Variants in PLEKHG1 observed in about 807,000 individuals in gnomAD.
The protein encoded by PLEKHG1 is pleckstrin homology domain-containing family G member 1.
PLEKHG1 carries 44 observed loss-of-function variants against 100.8 expected under a neutral mutation model. The ratio of observed to expected loss-of-function variants is 0.44; its 90% confidence interval spans 0.34 to 0.56. The LOEUF is 0.56. Ranked by LOEUF, PLEKHG1 falls within the 20% of genes least tolerant of loss-of-function variation. PLEKHG1 has a pLI of 0.01. For synonymous variants in PLEKHG1, 640 were observed against 662.5 expected (o/e 0.97, Z 0.52); for missense variants, 1,545 against 1,720.9 (o/e 0.90, Z 1.81).
chr6:150,613,431 C>T (rs1358471349), intron 1 of PLEKHG1, among the ~76,000 whole-genome samples: 1 of 152,162 alleles, frequency 6.6e-6, no homozygotes, highest in Admixed American at 6.5e-5. Flanking sequence ...TAAAAGAGTG[C>T]CCAGTGCAGA....
In PLEKHG1 at chr6:150,795,839, C is replaced by A. The variant is rs1428752821; in HGVS notation, c.583-17C>A. 6.4e-7 allele frequency: 1 copy of A among 1,553,814 alleles called. No homozygotes were observed. The highest frequency in any genetic ancestry group is 8.9e-7 in the Non-Finnish European group (1 of 1,127,572). On this transcript the variant is annotated splice_polypyrimidine_tract_variant and intron_variant, in intron 4 of 15. Transcript: ENST00000358517. ...TGTGCTTTGTTGCCTATAAAAATTT[C>A]TTTTGTTTCCTTGCAGAGTGAAGAG...
At chr6:150,659,905 T>G (rs1002786170) in intron 3 of PLEKHG1, among the ~76,000 whole-genome samples, 4 of 152,174 alleles carry the variant, frequency 2.6e-5, no homozygotes, top group Non-Finnish European at 4.4e-5. Flanking sequence ...TGGCACACAG[T>G]CTGGTGCCTT....
intron 2 of PLEKHG1, among the ~76,000 whole-genome samples, chr6:150,761,993 A>G (rs1269187435): frequency 6.6e-6 from 1 of 152,156 alleles, no homozygotes; most frequent in Non-Finnish European, 1.5e-5. Flanking sequence ...CAGCTTAACA[A>G]GAAGGCCATT....
intron 2 of PLEKHG1, among the ~76,000 whole-genome samples, chr6:150,752,535 T>C (rs1355228180): frequency 6.6e-6 from 1 of 152,188 alleles, no homozygotes; most frequent in African/African-American, 2.4e-5. Flanking sequence ...AAGTGAAACC[T>C]TACAGGATTT....
chr6:150,646,989 G>A (rs1242163873), intron 2 of PLEKHG1, among the ~76,000 whole-genome samples: 1 of 152,058 alleles, frequency 6.6e-6, no homozygotes, highest in Non-Finnish European at 1.5e-5. Flanking sequence ...CCCTCACTTT[G>A]TTTCCTTGTT....
intron 1 of PLEKHG1, among the ~76,000 whole-genome samples, chr6:150,636,081 T>C (rs9383834): frequency 0.15 from 22,895 of 152,196 alleles, 2,140 homozygotes; most frequent in Middle Eastern, 0.21. Context: ...AGTTAATGGC[T>C]TCCTGTGCAA....
chr6:150,714,705 T>G (rs1227464536), intron 3 of PLEKHG1, among the ~76,000 whole-genome samples: 1 of 152,240 alleles, frequency 6.6e-6, no homozygotes, highest in East Asian at 1.9e-4. Flanking sequence ...GTTTGGTTTC[T>G]ATTGTTAGAT....
At chr6:150,811,091 A>C (rs1333506088) in intron 10 of PLEKHG1, among the ~76,000 whole-genome samples, 1 of 152,150 alleles carries the variant, frequency 6.6e-6, no homozygotes, top group Non-Finnish European at 1.5e-5. Context: ...GAGACAAGAT[A>C]CAGATTCGGC....
At chr6:150,653,153 C>T (rs540646261) in intron 3 of PLEKHG1, among the ~76,000 whole-genome samples, 19 of 152,090 alleles carry the variant, frequency 1.2e-4, no homozygotes, top group Non-Finnish European at 2.6e-4. Context: ...TCACAGTGCT[C>T]AGGGCCCATG....
chr6:150,754,370 A>G (rs1267141445), intron 2 of PLEKHG1, among the ~76,000 whole-genome samples: 1 of 152,166 alleles, frequency 6.6e-6, no homozygotes, highest in Non-Finnish European at 1.5e-5. Context: ...GAGGGATTTA[A>G]GAGTCCTTGA....
At chr6:150,611,966 A>C (rs539181183) in intron 1 of PLEKHG1, among the ~76,000 whole-genome samples, 1 of 151,832 alleles carries the variant, frequency 6.6e-6, no homozygotes, top group East Asian at 1.9e-4. Flanking sequence ...TGGCTTTTGC[A>C]CAATTGACTC....
intron 14 of PLEKHG1, chr6:150,827,776 G>A (rs776561343): frequency 2.0e-5 from 28 of 1,426,166 alleles, no homozygotes; most frequent in East Asian, 4.5e-5. Flanking sequence ...GAGGAGCAGC[G>A]CATCCTCCAG....
At chr6:150,744,229 C>T (rs540882992) in intron 2 of PLEKHG1, among the ~76,000 whole-genome samples, 6 of 152,206 alleles carry the variant, frequency 3.9e-5, no homozygotes, top group South Asian at 4.2e-4. Context: ...TGCATGCCAC[C>T]GTGTTCAGCT....
At chr6:150,716,018 G>C (rs1781419728) in intron 3 of PLEKHG1, among the ~76,000 whole-genome samples, 1 of 149,056 alleles carries the variant, frequency 6.7e-6, no homozygotes, top group Admixed American at 6.7e-5. Flanking sequence ...TGAGGCAGGA[G>C]AATGGCGTGA....
At chr6:150,762,277 C>T (rs575975311) in intron 2 of PLEKHG1, among the ~76,000 whole-genome samples, 69 of 151,802 alleles carry the variant, frequency 4.5e-4, no homozygotes, top group Non-Finnish European at 7.4e-4. Context: ...TCAACCTCTG[C>T]CTCCCGGGTT....
chr6:150,831,185 C>A lies in PLEKHG1; in HGVS notation c.2074C>A (p.Arg692Ser). ...CTCTAAATCAGCCAGGGACTCCGTT[C>A]GCCCCAAGAGCACCCCAGAGTTAGC... The change falls in exon 15 of 16, where the codon CGC (arginine) becomes AGC (serine). Residue 692 changes from arginine (R) to serine (S), a missense_variant. Physicochemically the swap from Arg to Ser is moderately radical, Grantham distance 110. Transcript: ENST00000358517. This position sits in a 1 kb window ranked among gnomAD's most constrained non-coding sequence, Gnocchi z 4.1. The A allele has an allele frequency of 6.2e-7, 1 of 1,614,082 alleles. No homozygotes were observed. Among genetic ancestry groups the A allele is most frequent in the African/African-American group, 1.3e-5 (1 of 75,024 alleles).
intron 2 of PLEKHG1, among the ~76,000 whole-genome samples, chr6:150,738,622 C>T (rs1782693465): frequency 6.6e-6 from 1 of 152,148 alleles, no homozygotes; most frequent in South Asian, 2.1e-4. Context: ...CTAATGCTTT[C>T]TGAAAGTTGA....
intron 1 of PLEKHG1, among the ~76,000 whole-genome samples, chr6:150,611,832 GAAAAT>G (rs1776844008): frequency 6.8e-6 from 1 of 146,532 alleles, no homozygotes; most frequent in Non-Finnish European, 1.5e-5. Flanking sequence ...AAAAAAGAAA[GAAAAT>G]AATGACATTT....
intron 2 of PLEKHG1, among the ~76,000 whole-genome samples, chr6:150,742,212 G>T (rs1318356349): frequency 6.6e-6 from 1 of 152,178 alleles, no homozygotes; most frequent in Non-Finnish European, 1.5e-5. Context: ...TTCTGATGAG[G>T]TCTCAGGAAG....
Sources: gnomAD v4.1 joint callset for allele counts (sites outside exome capture counted in the v4.1 genomes callset) on GRCh38, gnomAD v4.1.1 for gene constraint, Gnocchi (gnomAD v3.1) non-coding constraint, MANE v1.5 for transcripts, NCBI Gene and HGNC (gene_info 2026-07-23, HGNC 2026-07-21) for gene names.